The following ABCC4 variants were observed in gnomAD, a reference collection of about 807,000 sequenced individuals.
ABCC4 encodes the protein ATP binding cassette subfamily C member 4 (PEL blood group), also known as ATP-binding cassette sub-family C member 4.
A neutral mutation model predicts 168.5 loss-of-function variants in ABCC4; 102 were observed. The observed-to-expected ratio is 0.61, with a 90% CI of 0.52 to 0.71. The LOEUF (loss-of-function observed/expected upper bound fraction) is 0.71. ABCC4 is among the 30% of genes least tolerant of loss of function. The probability of loss-of-function intolerance (pLI) is 0.00; values close to 1 mark genes in which losing one functional copy is unlikely to be tolerated. For synonymous variants in ABCC4, 617 were observed against 590.7 expected, an observed-to-expected ratio of 1.04 and a Z score of -0.65; for missense variants, 1,402 against 1,605.8, an observed-to-expected ratio of 0.87 and a Z score of 2.17.
At chr13:95,031,298 A>G (rs1245717848) in intron 30 of ABCC4, among the ~76,000 whole-genome samples, 1 of 152,234 alleles carries the variant, frequency 6.6e-6, no homozygotes, top group Admixed American at 6.5e-5. Flanking sequence ...ACTAAAATCC[A>G]GGAAGGAAAT....
intron 20 of ABCC4, among the ~76,000 whole-genome samples, chr13:95,110,969 GAAAAAAAAAAAGAAAGAA>G (rs2035182996): frequency 2.6e-5 from 1 of 38,386 alleles, no homozygotes; most frequent in African/African-American, 1.1e-4. Context: ...CCCTGTTTCA[GAAAAAAAAAAAGAAAGAA>G]AAAAAAAAAA....
intron 19 of ABCC4, among the ~76,000 whole-genome samples, chr13:95,120,386 G>A (rs1421140508): frequency 6.6e-6 from 1 of 152,004 alleles, no homozygotes; most frequent in Admixed American, 6.6e-5. Flanking sequence ...CCAAGATGGT[G>A]AAACCCTGTC....
chr13:95,101,014 C>A (rs1489237689), intron 20 of ABCC4, among the ~76,000 whole-genome samples: 3 of 152,188 alleles, frequency 2.0e-5, no homozygotes, highest in Non-Finnish European at 2.9e-5. Flanking sequence ...TCTTTTGCTT[C>A]TATAAAAGCG....
At chr13:95,176,841 G>C (rs2037720789) in intron 13 of ABCC4, among the ~76,000 whole-genome samples, 1 of 152,166 alleles carries the variant, frequency 6.6e-6, no homozygotes, top group Non-Finnish European at 1.5e-5. Context: ...GTGCTGTTTT[G>C]GCAAAACCAG....
intron 4 of ABCC4, among the ~76,000 whole-genome samples, chr13:95,230,275 A>C (rs1455556271): frequency 6.6e-6 from 1 of 152,246 alleles, no homozygotes; most frequent in Non-Finnish European, 1.5e-5. Context: ...CCTTGGAGCC[A>C]TCAATCCAAA....
At chr13:95,093,644 G>A (rs1284382293) in intron 20 of ABCC4, among the ~76,000 whole-genome samples, 3 of 152,114 alleles carry the variant, frequency 2.0e-5, no homozygotes, top group African/African-American at 7.2e-5. Context: ...AGACAAGGAT[G>A]CCCACTCTTA....
At chr13:95,240,359 C>A (rs989664034) in intron 3 of ABCC4, among the ~76,000 whole-genome samples, 1 of 152,010 alleles carries the variant, frequency 6.6e-6, no homozygotes, top group Admixed American at 6.5e-5. Flanking sequence ...TGGTGAAACC[C>A]CATCTCTACT....
At chr13:95,256,851 A>G (rs959975187) in intron 1 of ABCC4, among the ~76,000 whole-genome samples, 6 of 152,232 alleles carry the variant, frequency 3.9e-5, no homozygotes, top group African/African-American at 1.4e-4. Context: ...ATTAAACTTC[A>G]TCTCTCATAA....
intron 27 of ABCC4, among the ~76,000 whole-genome samples, chr13:95,045,597 T>C (rs988263679): frequency 6.6e-6 from 1 of 152,218 alleles, no homozygotes; most frequent in African/African-American, 2.4e-5. Context: ...TATTAATGTA[T>C]CTTTATAAAA....
rs985178792 is a variant in ABCC4, at chr13:95,078,345, G to T, written c.2687-2794C>A. On this transcript the variant is annotated intron_variant, in intron 21 of 30. Coordinates refer to ENST00000645237, the MANE Select transcript of ABCC4 (RefSeq NM_005845.5). ...GAGAATTGCTTGAACTCGGGAGGTG[G>T]AAGTTGCAGTAAGCCAAGATTACGG... Among the ~76,000 whole-genome samples the T allele has an allele frequency of 3.3e-5, 5 of 152,172 alleles. No homozygotes were observed. The South Asian group carries it at 1.0e-3, about 32-fold the overall frequency.
intron 29 of ABCC4, among the ~76,000 whole-genome samples, chr13:95,040,268 G>A (rs1390475209): frequency 1.3e-5 from 2 of 152,180 alleles, no homozygotes; most frequent in African/African-American, 2.4e-5. Flanking sequence ...ATCTCACTCT[G>A]TCGCCCAGGC....
chr13:95,033,606 C>T (rs2031986150), intron 30 of ABCC4, among the ~76,000 whole-genome samples: 1 of 151,832 alleles, frequency 6.6e-6, no homozygotes, highest in Non-Finnish European at 1.5e-5. Flanking sequence ...AAGGATTATT[C>T]AGGCTATAGC....
intron 8 of ABCC4, among the ~76,000 whole-genome samples, chr13:95,196,367 G>C (rs2038414597): frequency 6.6e-6 from 1 of 152,096 alleles, no homozygotes; most frequent in African/African-American, 2.4e-5. Context: ...AACAGAAAGT[G>C]ACAACGTCCA....
At chr13:95,257,979 CA>C (rs1400529667) in intron 1 of ABCC4, among the ~76,000 whole-genome samples, 1 of 152,228 alleles carries the variant, frequency 6.6e-6, no homozygotes, top group African/African-American at 2.4e-5. Flanking sequence ...ACATAAGCCT[CA>C]CTTATGTGAG....
intron 1 of ABCC4, among the ~76,000 whole-genome samples, chr13:95,252,983 G>A (rs1317464145): frequency 6.6e-6 from 1 of 152,178 alleles, no homozygotes; most frequent in Admixed American, 6.5e-5. Context: ...TCTGCTGTCT[G>A]GTGACCACCC....
At chr13:95,037,719 A>C (rs1444161156) in intron 29 of ABCC4, among the ~76,000 whole-genome samples, 1 of 152,192 alleles carries the variant, frequency 6.6e-6, no homozygotes, top group African/African-American at 2.4e-5. Context: ...TCATTTGGAT[A>C]ATAACTGCAT....
chr13:95,173,600 G>C (rs549091940), intron 13 of ABCC4, among the ~76,000 whole-genome samples: 1 of 152,328 alleles, frequency 6.6e-6, no homozygotes, highest in African/African-American at 2.4e-5. Flanking sequence ...GTCTTGCATG[G>C]CAAGGGTTGG....
At chr13:95,083,101 A>G in intron 21 of ABCC4, 39 bp downstream of exon 21, 1 of 1,587,866 alleles carries the variant, frequency 6.3e-7, no homozygotes, top group South Asian at 1.1e-5. Context: ...AATGGAAACT[A>G]GCTAGCATGT....
intron 3 of ABCC4, among the ~76,000 whole-genome samples, chr13:95,235,474 T>A (rs2039739825): frequency 6.6e-6 from 1 of 152,050 alleles, no homozygotes; most frequent in South Asian, 2.1e-4. Flanking sequence ...AGTAAGGAAT[T>A]TGCTTACAAA....
Sources: gnomAD v4.1 joint callset for allele counts (sites outside exome capture counted in the v4.1 genomes callset) on GRCh38, gnomAD v4.1.1 for gene constraint, MANE v1.5 for transcripts, NCBI Gene and HGNC (gene_info 2026-07-23, HGNC 2026-07-21) for gene names.